SLC35H1: variants seen among roughly 807,000 people sequenced by gnomAD.
The protein encoded by SLC35H1 is solute carrier family 35 member H1.
the SLC35H1 span, among the ~76,000 whole-genome samples, chr20:46,360,710 G>A: frequency 6.6e-6 from 1 of 151,842 alleles, no homozygotes; most frequent in Non-Finnish European, 1.5e-5. Flanking sequence ...CACCACACCC[G>A]GCTAATTTTT....
chr20:46,361,851 C>T, the SLC35H1 span, among the ~76,000 whole-genome samples: 1 of 152,214 alleles, frequency 6.6e-6, no homozygotes, highest in Non-Finnish European at 1.5e-5. Flanking sequence ...CTCATGGCTC[C>T]TCCTGTGGCT....
the SLC35H1 span, among the ~76,000 whole-genome samples, chr20:46,359,368 CCT>C: frequency 6.6e-6 from 1 of 152,252 alleles, no homozygotes; most frequent in African/African-American, 2.4e-5. Flanking sequence ...ATGTCTGTCC[CCT>C]GAGAGGCTAC....
At chr20:46,351,175 C>T in the SLC35H1 span, among the ~76,000 whole-genome samples, 2 of 152,350 alleles carry the variant, frequency 1.3e-5, no homozygotes, top group Non-Finnish European at 2.9e-5. Context: ...GTGTCCAGAT[C>T]GCGCCTTATC....
At chr20:46,349,163 C>T in the SLC35H1 span, 1 of 152,272 alleles carries the variant, frequency 6.6e-6, no homozygotes. Context: ...AATGGCGCCA[C>T]CTGCTGTGAG....
At chr20:46,357,473 G>A in the SLC35H1 span, 1 of 935,576 alleles carries the variant, frequency 1.1e-6, no homozygotes, top group Non-Finnish European at 1.6e-6. Context: ...AGCGTGGGTG[G>A]TGGGAGGCCA....
At chr20:46,358,467 C>G in the SLC35H1 span, 1 of 1,614,216 alleles carries the variant, frequency 6.2e-7, no homozygotes, top group Non-Finnish European at 8.5e-7. Context: ...GTCAACACCG[C>G]CTTCCACAAA....
the SLC35H1 span, among the ~76,000 whole-genome samples, chr20:46,355,592 C>T: frequency 6.6e-6 from 1 of 152,176 alleles, no homozygotes; most frequent in Non-Finnish European, 1.5e-5. This position sits in a 1 kb window ranked among gnomAD's most constrained non-coding sequence, Gnocchi z 4.8. Context: ...TCCTGCAGTG[C>T]TTTCACCTTT....
At chr20:46,358,457 G>A in the SLC35H1 span, 1 of 1,614,160 alleles carries the variant, frequency 6.2e-7, no homozygotes, top group East Asian at 2.2e-5. Context: ...CAGCCCCAGG[G>A]TCAACACCGC....
At chr20:46,355,975 C>T in the SLC35H1 span, 1 of 1,542,468 alleles carries the variant, frequency 6.5e-7, no homozygotes, top group East Asian at 2.3e-5. The surrounding 1 kb of genome is among the most constrained non-coding windows in gnomAD (Gnocchi z 4.8). Context: ...AATGACCAAA[C>T]AGAGCTGGGC....
At chr20:46,353,687 G>A in the SLC35H1 span, among the ~76,000 whole-genome samples, 2 of 152,124 alleles carry the variant, frequency 1.3e-5, no homozygotes, top group African/African-American at 4.8e-5. Context: ...TAATTTACCA[G>A]AAAAGATTAA....
At chr20:46,355,841 G>A in the SLC35H1 span, 1 of 1,614,122 alleles carries the variant, frequency 6.2e-7, no homozygotes, top group Non-Finnish European at 8.5e-7. The surrounding 1 kb of genome is among the most constrained non-coding windows in gnomAD (Gnocchi z 4.8). Flanking sequence ...AGATCAAGAT[G>A]AAGAGGACAG....
chr20:46,362,322 C>T, the SLC35H1 span, among the ~76,000 whole-genome samples: 1 of 152,218 alleles, frequency 6.6e-6, no homozygotes, highest in African/African-American at 2.4e-5. Context: ...AGTCCATATT[C>T]TGCCCCACTT....
the SLC35H1 span, among the ~76,000 whole-genome samples, chr20:46,354,086 C>T: frequency 2.0e-5 from 3 of 152,092 alleles, no homozygotes; most frequent in African/African-American, 4.8e-5. Flanking sequence ...TGGCGTCACA[C>T]CTCCCAGCCT....
At chr20:46,356,882 A>G in the SLC35H1 span, among the ~76,000 whole-genome samples, 2 of 152,146 alleles carry the variant, frequency 1.3e-5, no homozygotes, top group African/African-American at 2.4e-5. Context: ...GTTTCCACAA[A>G]CACTCCGGCG....
the SLC35H1 span, chr20:46,352,258 C>T: frequency 1.2e-5 from 19 of 1,608,902 alleles, no homozygotes; most frequent in South Asian, 2.2e-5. Context: ...AGTGGGAGGC[C>T]GGGTCCTGGG....
chr20:46,355,515 C>G, the SLC35H1 span: 3 of 624,250 alleles, frequency 4.8e-6, no homozygotes, highest in East Asian at 5.5e-5. The surrounding 1 kb of genome is among the most constrained non-coding windows in gnomAD (Gnocchi z 4.8). Context: ...CTCCCTGGGC[C>G]TAACACACAG....
the SLC35H1 span, among the ~76,000 whole-genome samples, chr20:46,351,890 G>C: frequency 5.3e-5 from 8 of 152,200 alleles, no homozygotes; most frequent in African/African-American, 1.9e-4. Context: ...CAGAAGGAGG[G>C]GCCAGCACAG....
At chr20:46,354,770 G>A in the SLC35H1 span, 2 of 935,550 alleles carry the variant, frequency 2.1e-6, no homozygotes, top group Non-Finnish European at 3.3e-6. Flanking sequence ...TCCAGGGGAG[G>A]GACTGCATCT....
chr20:46,348,442 G>T, the SLC35H1 span: 11 of 152,216 alleles, frequency 7.2e-5, no homozygotes, highest in Non-Finnish European at 1.2e-4. Flanking sequence ...TAAGACGGAG[G>T]AGGCCCTGGC....
Sources: gnomAD v4.1 joint callset for allele counts (sites outside exome capture counted in the v4.1 genomes callset) on GRCh38, gnomAD v4.1.1 for gene constraint, Gnocchi (gnomAD v3.1) non-coding constraint, MANE v1.5 for transcripts, NCBI Gene and HGNC (gene_info 2026-07-23, HGNC 2026-07-21) for gene names.